AP1G1: variants seen among roughly 807,000 people sequenced by gnomAD.
AP1G1 encodes AP-1 complex subunit gamma-1.
In AP1G1, 7 loss-of-function variants were observed where a neutral mutation model predicts 108.3. The observed-to-expected ratio is 0.06, with a 90% CI of 0.04 to 0.12. AP1G1 has a LOEUF of 0.12. AP1G1 is among the 10% of genes least tolerant of loss of function. AP1G1 has a pLI of 1.00. For synonymous variants in AP1G1, 379 were observed against 353.5 expected (o/e 1.07, Z -0.81); for missense variants, 756 against 1,010.7 (o/e 0.75, Z 3.42).
chr16:71,757,351 T>G (rs1231793336), intron 11 of AP1G1, among the ~76,000 whole-genome samples: 1 of 151,072 alleles, frequency 6.6e-6, no homozygotes, highest in African/African-American at 2.4e-5. Context: ...CTTGAGAGGC[T>G]GAGACAGGAG....
Position 71,766,935 on chromosome 16 carries a change from C to A in AP1G1, c.643-1351G>T, listed in dbSNP as rs537932594. Among the ~76,000 whole-genome samples the A allele has an allele frequency of 5.3e-5, 8 of 152,310 alleles. No individual in the cohort carries two copies. In the East Asian group the frequency reaches 1.4e-3, roughly 26 times the overall value. ...TCTGTAAATTCATTAAATCTGTCAA[C>A]TATGGGCAAAGTTATATTAGAGATA... On this transcript the variant is annotated intron_variant, in intron 6 of 22. Transcript: ENST00000299980.
In AP1G1 at chr16:71,781,915, A is replaced by G. The variant is rs182518386; in HGVS notation, c.202-7323T>C. ...TCTGTTGTGATCTCATTTTGCAAAT[A>G]TGCACCACTTAGAGCCAGTGGTATG... On this transcript the variant is annotated intron_variant, in intron 2 of 22. Transcript: ENST00000299980. Among the ~76,000 whole-genome samples, 8 of 152,322 alleles carry G rather than the reference A, an allele frequency of 5.3e-5. No individual in the cohort carries two copies. In the East Asian group the frequency reaches 1.2e-3, roughly 22 times the overall value.
rs917948867 is a variant in AP1G1 at position 71,806,009 on chromosome 16, C to G, written c.-4+2754G>C. Among the ~76,000 whole-genome samples the G allele has an allele frequency of 2.7e-5, 4 of 147,386 alleles. 1 individual carries two copies. The highest frequency in any genetic ancestry group is 1.0e-4 in the African/African-American group (4 of 39,772). The stretch of plus-strand genomic sequence containing the variant: ...CCAGCCTGGGCAACAGAGTGAGACC[C>G]TGTCTCAAACAATAAAAATAATAAA... On this transcript the variant is annotated intron_variant, in intron 1 of 22. Coordinates refer to ENST00000299980, the MANE Select transcript of AP1G1 (RefSeq NM_001128.6).
chr16:71,768,781 G>A (rs1411550336), intron 6 of AP1G1, among the ~76,000 whole-genome samples: 2 of 150,640 alleles, frequency 1.3e-5, no homozygotes, highest in Non-Finnish European at 3.0e-5. Context: ...CAGGCGTGGT[G>A]CCAGGCACCT....
chr16:71,777,562 G>A (rs2031837484), intron 2 of AP1G1: 1 of 361,864 alleles, frequency 2.8e-6, no homozygotes, highest in Non-Finnish European at 5.7e-6. Flanking sequence ...CCAACCTCCA[G>A]GCCGAGAGAG....
At chr16:71,739,447 T>A in intron 19 of AP1G1, 106 bp from the exon 20 acceptor site, 1 of 852,818 alleles carries the variant, frequency 1.2e-6, no homozygotes, top group Non-Finnish European at 1.8e-6. Context: ...AAAGATTCCT[T>A]AAACAAGATG....
intron 2 of AP1G1, among the ~76,000 whole-genome samples, chr16:71,787,319 A>C (rs1302810034): frequency 2.4e-4 from 1 of 4,082 alleles, no homozygotes; most frequent in Non-Finnish European, 4.4e-4. Flanking sequence ...ACTCTGTCTC[A>C]AAAAAAAAAA....
At chr16:71,805,773 A>G (rs2142292206) in intron 1 of AP1G1, among the ~76,000 whole-genome samples, 1 of 152,262 alleles carries the variant, frequency 6.6e-6, no homozygotes, top group South Asian at 2.1e-4. Flanking sequence ...GGTGGCTCAC[A>G]CCTGTAATCT....
intron 2 of AP1G1, among the ~76,000 whole-genome samples, chr16:71,779,746 T>C (rs939636763): frequency 3.3e-5 from 5 of 152,290 alleles, no homozygotes; most frequent in African/African-American, 1.2e-4. Flanking sequence ...AGTACAAATG[T>C]TGCCATTTAT....
chr16:71,757,525 G>A (rs918724015), intron 11 of AP1G1, among the ~76,000 whole-genome samples: 1 of 151,966 alleles, frequency 6.6e-6, no homozygotes, highest in Non-Finnish European at 1.5e-5. Context: ...TCAATCCTTA[G>A]ATATAATAAC....
Position 71,791,675 on chromosome 16 carries a change from A to C in AP1G1, c.-3-2193T>G, listed in dbSNP as rs1208693786. Among the ~76,000 whole-genome samples, 4 of 4,010 alleles carry C rather than the reference A, an allele frequency of 1.0e-3. No homozygotes were observed. The Admixed American group carries it at 0.023, about 23-fold the overall frequency. 2.6% of individuals were successfully genotyped at this position (4,010 alleles called of 152,430 possible). A position where few individuals can be genotyped will look rare whatever the true frequency, so the allele number is the denominator to read the frequency against. On this transcript the variant is annotated intron_variant, in intron 1 of 22. Transcript: ENST00000299980. ...GGTGACAGAGTGAGACCCTGTCTCAAAAAAAAAAAAAAAAAAAGTTGTGTG... is the reference window on the plus strand; with the variant it reads ...GGTGACAGAGTGAGACCCTGTCTCACAAAAAAAAAAAAAAAAAGTTGTGTG...
chr16:71,751,977 A>G (rs1359566954), intron 13 of AP1G1, among the ~76,000 whole-genome samples: 2 of 152,326 alleles, frequency 1.3e-5, no homozygotes, highest in South Asian at 2.1e-4. Context: ...TCTCATGAAT[A>G]CACATATAAA....
At chr16:71,770,329 A>T (rs2031521710) in intron 5 of AP1G1, among the ~76,000 whole-genome samples, 2 of 152,242 alleles carry the variant, frequency 1.3e-5, no homozygotes, top group Admixed American at 1.3e-4. Context: ...AAGCCACATG[A>T]ATTTTCTTTA....
chr16:71,766,886 TAAGAC>T lies in AP1G1; in HGVS notation c.643-1307_643-1303del, dbSNP rs572513994. Among the ~76,000 whole-genome samples, 680 of 152,328 alleles carry T rather than the reference TAAGAC, an allele frequency of 4.5e-3. 7 individuals are homozygous for T. The highest frequency in any genetic ancestry group is 0.015 in the African/African-American group (641 of 41,576). On this transcript the variant is annotated intron_variant, in intron 6 of 22. Transcript: ENST00000299980. ...AAAGTCTACTTTGGACAACTCCAAA[TAAGAC>T]AAATCTAAGCCATGGAGATCTGTAA...
chr16:71,786,258 G>A (rs1314736333), intron 2 of AP1G1, among the ~76,000 whole-genome samples: 1 of 152,084 alleles, frequency 6.6e-6, no homozygotes, highest in Non-Finnish European at 1.5e-5. Flanking sequence ...ATGAATCTTA[G>A]AAAATATAGA....
chr16:71,737,265 T>C (rs201198681), intron 21 of AP1G1, among the ~76,000 whole-genome samples: 1 of 152,130 alleles, frequency 6.6e-6, no homozygotes. Flanking sequence ...CTTTCACCAA[T>C]TGACACTACT....
intron 22 of AP1G1, 128 bp from the exon 23 acceptor site, chr16:71,733,287 G>A: frequency 1.4e-6 from 1 of 709,534 alleles, no homozygotes; most frequent in South Asian, 1.9e-5. Context: ...AAGAATGACA[G>A]GTAAACAACA....
At chr16:71,750,149 A>T in intron 14 of AP1G1, 61 bp downstream of exon 14, 1 of 1,595,508 alleles carries the variant, frequency 6.3e-7, no homozygotes. Context: ...AAAAGAAGAA[A>T]AACATACCAG....
chr16:71,736,117 A>AAAAAAAAAATATAT (rs1555550846), intron 21 of AP1G1, among the ~76,000 whole-genome samples: 4 of 71,620 alleles, frequency 5.6e-5, no homozygotes, highest in African/African-American at 2.5e-4. Context: ...AAAAAAAAAA[A>AAAAAAAAAATATAT]ATATATATAT....
Sources: allele counts gnomAD v4.1 joint callset (sites outside exome capture counted in the v4.1 genomes callset), GRCh38; gene constraint gnomAD v4.1.1; transcripts MANE v1.5; gene names NCBI Gene and HGNC (gene_info 2026-07-23, HGNC 2026-07-21).